The following NUP205 variants were observed in gnomAD, a reference collection of about 807,000 sequenced individuals.
The protein encoded by NUP205 is nucleoporin 205.
Under a neutral mutation model 253.8 loss-of-function variants are expected in NUP205, and 76 were observed. That is an observed-to-expected ratio of 0.30 (90% CI 0.25 to 0.36). The LOEUF is 0.36. Ranked by LOEUF, NUP205 falls within the 10% of genes least tolerant of loss-of-function variation. The pLI is 1.00. For synonymous variants in NUP205, 832 were observed against 850.1 expected (o/e 0.98, Z 0.37); for missense variants, 2,162 against 2,425.5 (o/e 0.89, Z 2.28).
At chr7:135,627,113 T>C (rs1794607725) in intron 33 of NUP205, among the ~76,000 whole-genome samples, 2 of 152,340 alleles carry the variant, frequency 1.3e-5, no homozygotes, top group Non-Finnish European at 2.9e-5. Context: ...CTTTAGTTCA[T>C]GGCATGCTAT....
chr7:135,594,715 T>A lies in NUP205; in HGVS notation c.1999T>A (p.Leu667Met), dbSNP rs1193856025. Residue 667 changes from leucine (L) to methionine (M), a missense_variant, in exon 13 of 43, where the codon TTG (leucine) becomes ATG (methionine). By Grantham distance (15) the Leu-to-Met change is conservative. Transcript: ENST00000285968. ...AATTGCTGCTTCCCTCTGGCAGTCATTGGAATACACTCAGGTAGGGCTCTG... is the reference window on the plus strand; with the variant it reads ...AATTGCTGCTTCCCTCTGGCAGTCAATGGAATACACTCAGGTAGGGCTCTG... ...PEIAASLWQS[L>M]EYTQILQTVR... 3 of 1,612,946 alleles carry A rather than the reference T, an allele frequency of 1.9e-6. No homozygotes were observed. Among genetic ancestry groups the A allele is most frequent in the Non-Finnish European group, 2.5e-6 (3 of 1,179,402 alleles).
chr7:135,616,964 T>C (rs1794374707), intron 25 of NUP205, 126 bp from the exon 26 acceptor site: 4 of 704,614 alleles, frequency 5.7e-6, no homozygotes, highest in Non-Finnish European at 9.1e-6. Flanking sequence ...AATACAGTTT[T>C]CAGTTTCTTG....
chr7:135,619,295 T>A, intron 28 of NUP205, 128 bp from the exon 29 acceptor site: 1 of 957,156 alleles, frequency 1.0e-6, no homozygotes, highest in Non-Finnish European at 1.6e-6. Context: ...TGAGCTGAGA[T>A]TATGCTACTG....
chr7:135,571,641 A>C (rs1484081847), intron 2 of NUP205, among the ~76,000 whole-genome samples: 1 of 152,166 alleles, frequency 6.6e-6, no homozygotes, highest in East Asian at 1.9e-4. Context: ...ACAGGCATGC[A>C]GTGTGAAATA....
intron 1 of NUP205, among the ~76,000 whole-genome samples, chr7:135,559,212 G>T (rs538881994): frequency 2.6e-5 from 4 of 152,176 alleles, no homozygotes; most frequent in Non-Finnish European, 5.9e-5. Flanking sequence ...TAGTGCTACT[G>T]CTTAAGCACA....
chr7:135,582,949 G>T (rs546783332), intron 7 of NUP205, among the ~76,000 whole-genome samples: 2 of 152,218 alleles, frequency 1.3e-5, no homozygotes, highest in East Asian at 3.9e-4. Context: ...AATTAGCCAG[G>T]CGTGGTGGTG....
chr7:135,613,479 T>G (rs80142779), intron 22 of NUP205, among the ~76,000 whole-genome samples: 5,181 of 152,018 alleles, frequency 0.034, 117 homozygotes, highest in Middle Eastern at 0.1. Flanking sequence ...GATGTAACTC[T>G]TATGGTTCTC....
At position 135,648,745 on chromosome 7, in the gene NUP205, AAAAC is replaced by A; in HGVS notation, c.*193_*196del. ...TAGTAAAAAATAAATACTTTTTAAA[AAAAC>A]AAAACAAATGTATGGTTAATCTTTT... On this transcript the variant is annotated 3_prime_UTR_variant, in exon 43 of 43. Transcript: ENST00000285968. 2.6e-6 allele frequency: 1 copy of A among 381,890 alleles called. No individual in the cohort carries two copies. Among genetic ancestry groups the A allele is most frequent in the Non-Finnish European group, 4.6e-6 (1 of 217,864 alleles). The allele number at this position is 381,890 out of a possible 1,614,324, so 23.7% of individuals were successfully genotyped here.
rs561298272 is a variant in NUP205 at position 135,573,815 on chromosome 7, T to G, written c.333T>G (p.Leu111=). ...TTGGAGAATTGGCAGCTGTTGAGCT[T>G]CTTCTTGCTGGTAGGTTGACATTTA... ...FDIGELAAVE[L]LLAGEHQQPH... is the part of the protein sequence containing the mutation. Residue 111 remains leucine, a synonymous_variant, in exon 3 of 43, where the codon CTT becomes CTG. Transcript: ENST00000285968. 94 of 1,608,944 alleles carry G rather than the reference T, an allele frequency of 5.8e-5. No individual in the cohort carries two copies. In the East Asian group the frequency reaches 1.2e-3, roughly 20 times the overall value.
chr7:135,616,986 C>G (rs539208536), intron 25 of NUP205, 104 bp from the exon 26 acceptor site: 39 of 832,196 alleles, frequency 4.7e-5, no homozygotes, highest in Non-Finnish European at 6.6e-5. Flanking sequence ...CTATTTTATG[C>G]TCTTTCTGAA....
At position 135,578,769 on chromosome 7, in the gene NUP205, C is replaced by T. The variant is rs1383128047; in HGVS notation, c.896C>T (p.Pro299Leu). The T allele has an allele frequency of 1.3e-6, 2 of 1,598,896 alleles. No homozygotes were observed. Among genetic ancestry groups the T allele is most frequent in the South Asian group, 2.3e-5 (2 of 88,242 alleles). Residue 299 changes from proline to leucine, a missense_variant, in exon 7 of 43, where the codon CCA becomes CTA. Transcript: ENST00000285968. ...TTTTCAGATATGATTCATCAACTTC[C>T]ACTGTTGACAGAAAAACAGTACATT... The part of the protein sequence containing the change: ...EERDDMIHQL[P>L]LLTEKQYIAT...
At chr7:135,622,738 T>G (rs376933794) in intron 30 of NUP205, 39 bp from the exon 31 acceptor site, 2 of 1,602,000 alleles carry the variant, frequency 1.2e-6, no homozygotes, top group African/African-American at 2.7e-5. Flanking sequence ...ATTACACTGC[T>G]TTTTACTGGA....
rs1195334180 is a variant in NUP205 at position 135,573,109 on chromosome 7, A to G, written c.172-545A>G. 2.0e-5 allele frequency among the ~76,000 whole-genome samples: 3 copies of G among 152,210 alleles called. No homozygotes were observed. In the South Asian group the frequency reaches 6.2e-4, roughly 32 times the overall value. On this transcript the variant is annotated intron_variant, in intron 2 of 42. Transcript: ENST00000285968. Reference sequence around the variant, plus strand: ...GCTGGATGTCGGTTTTTCTGTCTGCAATAGAGGAGCTAGATTCAATGACCA... The same window carrying G: ...GCTGGATGTCGGTTTTTCTGTCTGCGATAGAGGAGCTAGATTCAATGACCA...
At chr7:135,624,500 C>T (rs1174095361) in intron 31 of NUP205, among the ~76,000 whole-genome samples, 2 of 152,148 alleles carry the variant, frequency 1.3e-5, no homozygotes, top group Non-Finnish European at 2.9e-5. Flanking sequence ...CTCAGCCTTC[C>T]GAGTAGCTCA....
rs894109030 is a variant in NUP205 at position 135,558,118 on chromosome 7, C to T, written c.28+146C>T. ...CTAATTCTGGGCCTAGAGTCCCACC[C>T]CTCCCCAGTTTGAATGGCGCGCGTC... On this transcript the variant is annotated intron_variant, in intron 1 of 42. Transcript: ENST00000285968. 9.7e-6 allele frequency: 7 copies of T among 718,360 alleles called. No individual in the cohort carries two copies. The African/African-American group carries it at 1.2e-4, about 13-fold the overall frequency. 44.5% of individuals were successfully genotyped at this position (718,360 alleles called of 1,614,324 possible).
intron 10 of NUP205, among the ~76,000 whole-genome samples, chr7:135,591,193 T>A (rs186572635): frequency 1.3e-5 from 2 of 152,328 alleles, no homozygotes; most frequent in Non-Finnish European, 2.9e-5. Context: ...AAAATCTGAG[T>A]GGTCTTATAT....
intron 23 of NUP205, among the ~76,000 whole-genome samples, chr7:135,615,549 A>G (rs1794338028): frequency 2.0e-5 from 3 of 152,216 alleles, no homozygotes; most frequent in African/African-American, 7.2e-5. Context: ...ATCAAAACCA[A>G]ACTATGATAG....
chr7:135,568,456 C>T (rs1212252166), intron 1 of NUP205, among the ~76,000 whole-genome samples: 5 of 151,608 alleles, frequency 3.3e-5, no homozygotes, highest in African/African-American at 4.8e-5. Context: ...CCTGGCCTCC[C>T]GAGTACCTGG....
intron 18 of NUP205, 67 bp downstream of exon 18, chr7:135,603,061 C>T: frequency 9.4e-6 from 11 of 1,174,842 alleles, no homozygotes; most frequent in Middle Eastern, 2.2e-4. Context: ...ATTTTCAAAT[C>T]TGGTTAGGTA....
Sources: allele counts gnomAD v4.1 joint callset (sites outside exome capture counted in the v4.1 genomes callset), GRCh38; gene constraint gnomAD v4.1.1; transcripts MANE v1.5; gene names NCBI Gene and HGNC (gene_info 2026-07-23, HGNC 2026-07-21).